Variants in ADAMTSL2 observed in about 807,000 individuals in gnomAD.
The protein encoded by ADAMTSL2 is ADAMTS-like protein 2.
A neutral mutation model predicts 117.0 loss-of-function variants in ADAMTSL2; 55 were observed. The observed-to-expected ratio is 0.47, with a 90% CI of 0.38 to 0.59. The LOEUF is 0.59. Among genes scored for constraint, ADAMTSL2 ranks in the 20% least tolerant of loss-of-function variants. The probability of loss-of-function intolerance (pLI) is 0.00; values close to 1 mark genes in which losing one functional copy is unlikely to be tolerated. For missense variants in ADAMTSL2, 1,182 were observed against 1,354.5 expected, an observed-to-expected ratio of 0.87 and a Z score of 2.00; for synonymous variants, 572 against 566.4, an observed-to-expected ratio of 1.01 and a Z score of -0.14.
intron 3 of ADAMTSL2, among the ~76,000 whole-genome samples, chr9:133,538,020 T>C (rs559739936): frequency 2.6e-4 from 40 of 152,350 alleles, no homozygotes; most frequent in Admixed American, 7.8e-4. Flanking sequence ...TTCTCATCCA[T>C]GGCATGGAGA....
In ADAMTSL2 at chr9:133,575,194, C is replaced by T. The variant is rs1162676734; in HGVS notation, c.*330C>T. The T allele has an allele frequency of 5.5e-5, 21 of 382,532 alleles. No individual in the cohort carries two copies. Among genetic ancestry groups the T allele is most frequent in the South Asian group, 4.7e-4 (18 of 38,432 alleles). The allele number at this position is 382,532 out of a possible 1,614,324, so 23.7% of individuals were successfully genotyped here. Reference sequence around the variant, plus strand: ...CGAGGGGCCCAGGGCCCACAGCCAGCGGTGGAGGTGTCTTGCTCCGGGCCC... The same window carrying T: ...CGAGGGGCCCAGGGCCCACAGCCAGTGGTGGAGGTGTCTTGCTCCGGGCCC... On this transcript the variant is annotated 3_prime_UTR_variant, in exon 19 of 19. Coordinates refer to ENST00000651351, the MANE Select transcript of ADAMTSL2 (RefSeq NM_014694.4).
intron 9 of ADAMTSL2, among the ~76,000 whole-genome samples, chr9:133,548,700 TG>T (rs971139877): frequency 6.6e-6 from 1 of 152,014 alleles, no homozygotes; most frequent in Non-Finnish European, 1.5e-5. Flanking sequence ...TTGCCCCTTG[TG>T]GGGGGCATGA....
At chr9:133,563,795 C>CAGAG (rs1177132066) in intron 12 of ADAMTSL2, among the ~76,000 whole-genome samples, 2 of 89,032 alleles carry the variant, frequency 2.2e-5, no homozygotes, top group African/African-American at 8.5e-5. Flanking sequence ...CCCTGAGAGA[C>CAGAG]AGAGAGAGAG....
chr9:133,571,460 C>G (rs761552147), intron 17 of ADAMTSL2, among the ~76,000 whole-genome samples: 1 of 152,144 alleles, frequency 6.6e-6, no homozygotes, highest in Non-Finnish European at 1.5e-5. Context: ...ACTGGGTGCC[C>G]CCTCGCCCCC....
At chr9:133,548,583 A>AG (rs1470959710) in intron 9 of ADAMTSL2, among the ~76,000 whole-genome samples, 1 of 145,648 alleles carries the variant, frequency 6.9e-6, no homozygotes, top group Non-Finnish European at 1.5e-5. Context: ...GACTAGACAG[A>AG]GGGAGCAGCT....
At chr9:133,561,872 G>A (rs1830736845) in intron 12 of ADAMTSL2, among the ~76,000 whole-genome samples, 1 of 152,192 alleles carries the variant, frequency 6.6e-6, no homozygotes, top group Admixed American at 6.5e-5. Context: ...CTGAGACGCT[G>A]GCCACAGCCG....
At chr9:133,567,111 G>T in intron 13 of ADAMTSL2, 49 bp downstream of exon 13, 1 of 1,572,636 alleles carries the variant, frequency 6.4e-7, no homozygotes, top group Non-Finnish European at 8.6e-7. Flanking sequence ...GGGGCGTGAG[G>T]GGCTCTGCCC....
At chr9:133,549,163 G>A (rs1215472620) in intron 9 of ADAMTSL2, among the ~76,000 whole-genome samples, 1 of 36,452 alleles carries the variant, frequency 2.7e-5, no homozygotes, top group African/African-American at 7.9e-5. Context: ...CACTACGCCC[G>A]GCTAATTTTT....
upstream of ADAMTSL2, among the ~76,000 whole-genome samples, chr9:133,533,966 G>T (rs1010960699): frequency 1.8e-4 from 27 of 152,310 alleles, no homozygotes; most frequent in African/African-American, 6.0e-4. Flanking sequence ...TTCCCAGGGG[G>T]GCTCTGCTGC....
chr9:133,538,497 A>G lies in ADAMTSL2; in HGVS notation c.309+73A>G, dbSNP rs1165070736. ...TCATGCAGTTTTCAGGGGGTCTTCC[A>G]GGTGGCTCCTGGGCATTCTGGGCAT... is the stretch of plus-strand genomic sequence containing the variant. On this transcript the variant is annotated intron_variant, in intron 4 of 18. Transcript: ENST00000651351. 2.6e-6 allele frequency: 4 copies of G among 1,557,684 alleles called. No homozygotes were observed. In the African/African-American group the frequency reaches 5.4e-5, roughly 21 times the overall value.
chr9:133,549,708 C>T (rs975765070), intron 9 of ADAMTSL2, among the ~76,000 whole-genome samples: 9 of 152,050 alleles, frequency 5.9e-5, no homozygotes, highest in Non-Finnish European at 7.4e-5. Flanking sequence ...TGATCAAGTT[C>T]AATCACCCAG....
Position 133,539,849 on chromosome 9 carries a change from C to CCTCTGT in ADAMTSL2, c.388_389insCTCTGT (p.His130delinsProLeuTyr). On this transcript the variant is annotated protein_altering_variant, in exon 5 of 19. Transcript: ENST00000651351. ...CTCCCACGTGTACAACGGGCGGACG[C>CCTCTGT]ACCAGTGGAAGCCTCTGTACCCGGG... 1 of 1,550,990 alleles carries CCTCTGT rather than the reference C, an allele frequency of 6.4e-7. No individual in the cohort carries two copies. Among genetic ancestry groups the CCTCTGT allele is most frequent in the Non-Finnish European group, 8.7e-7 (1 of 1,146,998 alleles).
At chr9:133,567,177 G>T (rs1426215935) in intron 13 of ADAMTSL2, 115 bp downstream of exon 13, 1 of 1,357,498 alleles carries the variant, frequency 7.4e-7, no homozygotes, top group Non-Finnish European at 1.0e-6. Flanking sequence ...GTGCAGGGCC[G>T]TGGGGGCTCT....
At chr9:133,553,105 G>A (rs1003780551) in intron 9 of ADAMTSL2, among the ~76,000 whole-genome samples, 34 of 152,356 alleles carry the variant, frequency 2.2e-4, no homozygotes, top group African/African-American at 6.7e-4. Context: ...CGTGAAGGCA[G>A]AGGTCTCTGT....
chr9:133,554,376 A>G lies in ADAMTSL2; in HGVS notation c.959A>G (p.Lys320Arg). The G allele has an allele frequency of 1.9e-6, 3 of 1,558,498 alleles. No individual in the cohort carries two copies. The highest frequency in any genetic ancestry group is 1.2e-5 in the South Asian group (1 of 85,608). Residue 320 changes from lysine to arginine, a missense_variant, in exon 10 of 19, where the codon AAA becomes AGA. Lys to Arg is a conservative substitution (Grantham distance 26). This residue lies in a region of ADAMTSL2 where 372 missense variants were observed against 463.4 expected (regional missense o/e 0.80). Transcript: ENST00000651351. The surrounding 1 kb of genome is among the most constrained non-coding windows in gnomAD (Gnocchi z 5.2). ...CCCTAGGTGTGGAACCAGAACGGCA[A>G]AAGCCCCTCCATCACCTTCGAGTAC... ...LNVMVWNQNG[K>R]SPSITFEYTL...
At chr9:133,574,243 C>A (rs2131193088) in intron 18 of ADAMTSL2, among the ~76,000 whole-genome samples, 1 of 152,304 alleles carries the variant, frequency 6.6e-6, no homozygotes, top group East Asian at 1.9e-4. Flanking sequence ...GAGACCTGTA[C>A]TTTGGGAAAA....
At chr9:133,569,618 T>C (rs1588310434) in intron 16 of ADAMTSL2, 40 bp downstream of exon 16, 27 of 1,547,060 alleles carry the variant, frequency 1.7e-5, no homozygotes, top group Non-Finnish European at 1.7e-5. Context: ...TCCTGGTATC[T>C]GGAGAGCATT....
intron 11 of ADAMTSL2, among the ~76,000 whole-genome samples, chr9:133,560,262 G>T (rs1830695231): frequency 6.6e-6 from 1 of 152,174 alleles, no homozygotes; most frequent in South Asian, 2.1e-4. Flanking sequence ...GTGGAGTTGG[G>T]CAATGCCACC....
intron 9 of ADAMTSL2, among the ~76,000 whole-genome samples, chr9:133,548,727 C>T (rs1319563181): frequency 6.6e-6 from 1 of 152,154 alleles, no homozygotes; most frequent in Non-Finnish European, 1.5e-5. Context: ...GGAGAGACAG[C>T]TCCCCCTGGC....
Sources: gnomAD v4.1 joint callset for allele counts (sites outside exome capture counted in the v4.1 genomes callset) on GRCh38, gnomAD v4.1.1 for gene constraint, gnomAD v4.1.1 regional missense constraint, Gnocchi (gnomAD v3.1) non-coding constraint, MANE v1.5 for transcripts, NCBI Gene and HGNC (gene_info 2026-07-23, HGNC 2026-07-21) for gene names.